The following GALNT1 variants were observed in gnomAD, a reference collection of about 807,000 sequenced individuals.
GALNT1 encodes the protein GalNAc transferase 1.
A neutral mutation model predicts 65.7 loss-of-function variants in GALNT1; 17 were observed. The observed-to-expected ratio is 0.26, with a 90% CI of 0.18 to 0.39. GALNT1 has a LOEUF of 0.39. GALNT1 is among the 10% of genes least tolerant of loss of function. The pLI is 1.00. For synonymous variants in GALNT1, 210 were observed against 219.7 expected, an observed-to-expected ratio of 0.96 and a Z score of 0.39; for missense variants, 460 against 672.8, an observed-to-expected ratio of 0.68 and a Z score of 3.50.
intron 9 of GALNT1, among the ~76,000 whole-genome samples, chr18:35,693,245 G>T (rs985358407): frequency 6.6e-6 from 1 of 152,198 alleles, no homozygotes; most frequent in Non-Finnish European, 1.5e-5. Context: ...TAGGGAAAGA[G>T]TATTCTGGGC....
At chr18:35,625,536 G>A (rs1003927803) in intron 1 of GALNT1, among the ~76,000 whole-genome samples, 6 of 152,216 alleles carry the variant, frequency 3.9e-5, no homozygotes, top group African/African-American at 4.8e-5. Flanking sequence ...TTTCATTGAA[G>A]TGAAGACTTG....
chr18:35,619,675 T>C (rs1598785532), intron 1 of GALNT1, among the ~76,000 whole-genome samples: 1 of 152,200 alleles, frequency 6.6e-6, no homozygotes, highest in Non-Finnish European at 1.5e-5. Flanking sequence ...GCAGTGGCAG[T>C]ACTGATGACA....
At chr18:35,709,186 G>GAAAC (rs1409666932) in intron 11 of GALNT1, among the ~76,000 whole-genome samples, 1 of 152,192 alleles carries the variant, frequency 6.6e-6, no homozygotes, top group East Asian at 1.9e-4. Context: ...ATAGAGAAAT[G>GAAAC]AAACAATTTT....
chr18:35,664,561 A>G (rs34632913), intron 3 of GALNT1: 17,481 of 152,200 alleles, frequency 0.11, 1,088 homozygotes, highest in Admixed American at 0.19. Context: ...ACCGTATGCT[A>G]TGTACTAGAG....
intron 3 of GALNT1, among the ~76,000 whole-genome samples, chr18:35,670,352 G>GA (rs1419969321): frequency 6.6e-6 from 1 of 151,966 alleles, no homozygotes; most frequent in Non-Finnish European, 1.5e-5. Context: ...ATATTAAAAA[G>GA]AAAAATACGT....
chr18:35,588,596 C>A (rs1476571349), intron 1 of GALNT1, among the ~76,000 whole-genome samples: 2 of 152,140 alleles, frequency 1.3e-5, no homozygotes, highest in Non-Finnish European at 2.9e-5. Flanking sequence ...TATGATTCCA[C>A]ATGTTTTTGA....
At chr18:35,665,244 A>C (rs2047533241) in intron 3 of GALNT1, among the ~76,000 whole-genome samples, 1 of 152,248 alleles carries the variant, frequency 6.6e-6, no homozygotes, top group Non-Finnish European at 1.5e-5. Flanking sequence ...CAAAATAGAG[A>C]ATATATTACA....
intron 1 of GALNT1, among the ~76,000 whole-genome samples, chr18:35,646,698 ACT>A (rs2047235918): frequency 6.6e-6 from 1 of 152,078 alleles, no homozygotes; most frequent in South Asian, 2.1e-4. Context: ...TCCAGCCCAC[ACT>A]CTAGGAGGAA....
intron 11 of GALNT1, among the ~76,000 whole-genome samples, chr18:35,704,997 T>G (rs917668573): frequency 6.6e-6 from 1 of 152,174 alleles, no homozygotes; most frequent in African/African-American, 2.4e-5. Context: ...GCACTACTGT[T>G]TAGGTTCTTC....
rs749207892 is a variant in GALNT1, at chr18:35,692,280, C to T, written c.1259C>T (p.Pro420Leu). The T allele has an allele frequency of 1.9e-6, 3 of 1,595,576 alleles. No homozygotes were observed. In the Admixed American group the frequency reaches 5.0e-5, roughly 27 times the overall value. ...TCCTGGTACCTAGAGAATATATATC[C>T]TGATTCTCAAATTCCACGTCACTAT... is the stretch of plus-strand genomic sequence containing the variant. ...PFSWYLENIY[P>L]DSQIPRHYFS... Residue 420 changes from proline to leucine, a missense_variant, in exon 9 of 12, where the codon CCT becomes CTT. Physicochemically the swap from Pro to Leu is moderately conservative, Grantham distance 98. Coordinates refer to ENST00000269195, the MANE Select transcript of GALNT1 (RefSeq NM_020474.4).
intron 5 of GALNT1, among the ~76,000 whole-genome samples, chr18:35,686,111 A>G (rs2047863606): frequency 6.6e-6 from 1 of 152,200 alleles, no homozygotes; most frequent in African/African-American, 2.4e-5. Flanking sequence ...AACAAGGAAT[A>G]CTTAGAAAAT....
chr18:35,656,466 G>C (rs991255611), intron 2 of GALNT1, among the ~76,000 whole-genome samples: 3 of 152,176 alleles, frequency 2.0e-5, no homozygotes, highest in African/African-American at 4.8e-5. Context: ...AATGCCTTGG[G>C]GTGTCTGAGA....
At chr18:35,592,348 C>T (rs993227637) in intron 1 of GALNT1, among the ~76,000 whole-genome samples, 25 of 152,136 alleles carry the variant, frequency 1.6e-4, no homozygotes, top group Non-Finnish European at 2.4e-4. Context: ...GGAGAAATGA[C>T]ATTTCAGCTG....
At chr18:35,655,650 A>C (rs1298869070) in intron 2 of GALNT1, among the ~76,000 whole-genome samples, 1 of 152,060 alleles carries the variant, frequency 6.6e-6, no homozygotes, top group East Asian at 1.9e-4. Context: ...TATACAAATA[A>C]TTACTCTTTA....
At chr18:35,689,780 A>G (rs2047927450) in intron 7 of GALNT1, among the ~76,000 whole-genome samples, 2 of 152,252 alleles carry the variant, frequency 1.3e-5, no homozygotes, top group Non-Finnish European at 2.9e-5. Context: ...AATTTAACCC[A>G]GTCTACATAT....
chr18:35,659,976 A>G (rs755304355), intron 2 of GALNT1: 6 of 152,192 alleles, frequency 3.9e-5, no homozygotes, highest in Non-Finnish European at 7.4e-5. Context: ...AGTGTACTGC[A>G]TTTTATTGCA....
chr18:35,680,237 A>G (rs945703850), intron 4 of GALNT1, among the ~76,000 whole-genome samples: 4 of 152,152 alleles, frequency 2.6e-5, no homozygotes, highest in African/African-American at 7.2e-5. Flanking sequence ...TCTAGGGAAC[A>G]TTTATCTCCA....
chr18:35,668,901 A>G (rs2047587474), intron 3 of GALNT1, among the ~76,000 whole-genome samples: 1 of 152,204 alleles, frequency 6.6e-6, no homozygotes. Flanking sequence ...CATCAGAGAA[A>G]AGAAAGTATA....
intron 1 of GALNT1, among the ~76,000 whole-genome samples, chr18:35,582,199 A>G (rs1039462708): frequency 1.3e-5 from 2 of 152,094 alleles, no homozygotes; most frequent in African/African-American, 4.8e-5. Flanking sequence ...GGTACTTGCA[A>G]CCGCGGTGCC....
Sources: gnomAD v4.1 joint callset for allele counts (sites outside exome capture counted in the v4.1 genomes callset) on GRCh38, gnomAD v4.1.1 for gene constraint, MANE v1.5 for transcripts, NCBI Gene and HGNC (gene_info 2026-07-23, HGNC 2026-07-21) for gene names.